PCDHGA3: variants seen among roughly 807,000 people sequenced by gnomAD.
The protein encoded by PCDHGA3 is protocadherin gamma-A3.
In PCDHGA3, 40 loss-of-function variants were observed where a neutral mutation model predicts 58.5. The observed-to-expected ratio is 0.68, with a 90% confidence interval of 0.53 to 0.89. The LOEUF (loss-of-function observed/expected upper bound fraction) is 0.89. PCDHGA3 is among the 40% of genes least tolerant of loss of function. The probability of loss-of-function intolerance (pLI) is 0.00; values close to 1 mark genes in which losing one functional copy is unlikely to be tolerated. For synonymous variants in PCDHGA3, 530 were observed against 525.7 expected (o/e 1.01, Z -0.11); for missense variants, 1,223 against 1,195.9 (o/e 1.02, Z -0.33).
intron 1 of PCDHGA3, among the ~76,000 whole-genome samples, chr5:141,451,724 A>G (rs2098722682): frequency 6.6e-6 from 1 of 152,170 alleles, no homozygotes; most frequent in Non-Finnish European, 1.5e-5. Context: ...TCTACTAAAA[A>G]TACAAAAATT....
In PCDHGA3 at chr5:141,431,620, G is replaced by T; in HGVS notation, c.2425-63187G>T. 6.2e-7 allele frequency: 1 copy of T among 1,614,232 alleles called. No individual in the cohort carries two copies. The highest frequency in any genetic ancestry group is 8.5e-7 in the Non-Finnish European group (1 of 1,180,050). Reference sequence around the variant, plus strand: ...ATTCCTTCCGGTATGTGGACGACAAGGCGGCCCAAGTTTTCAAACTAGATT... The same window carrying T: ...ATTCCTTCCGGTATGTGGACGACAATGCGGCCCAAGTTTTCAAACTAGATT... On this transcript the variant is annotated intron_variant, in intron 1 of 3. Transcript: ENST00000253812. The surrounding 1 kb of genome is among the most constrained non-coding windows in gnomAD (Gnocchi z 4.8).
intron 1 of PCDHGA3, chr5:141,352,241 G>A: frequency 6.2e-7 from 1 of 1,614,080 alleles, no homozygotes; most frequent in Non-Finnish European, 8.5e-7. Flanking sequence ...CCTAATCTTC[G>A]CGGATAGCCT....
At position 141,486,878 on chromosome 5, in the gene PCDHGA3, C is replaced by T. The variant is rs772994346; in HGVS notation, c.2425-7929C>T. ...CAATGCTCCAGCTGTGCTCCGTCCT[C>T]GGGCCCGGCCTGGTTCCTTATGTCC... On this transcript the variant is annotated intron_variant, in intron 1 of 3. Transcript: ENST00000253812. The surrounding 1 kb of genome is among the most constrained non-coding windows in gnomAD (Gnocchi z 5.0). 3.0e-5 allele frequency: 49 copies of T among 1,614,114 alleles called. No homozygotes were observed. The highest frequency in any genetic ancestry group is 4.4e-5 in the South Asian group (4 of 91,088).
chr5:141,469,697 T>G (rs2154570403), intron 1 of PCDHGA3, among the ~76,000 whole-genome samples: 1 of 152,392 alleles, frequency 6.6e-6, no homozygotes, highest in African/African-American at 2.4e-5. Context: ...TCCTATGACC[T>G]AGTAATCACA....
Position 141,417,842 on chromosome 5 carries a change from C to A in PCDHGA3, c.2424+71385C>A, listed in dbSNP as rs1247720013. 3 of 1,537,164 alleles carry A rather than the reference C, an allele frequency of 2.0e-6. No homozygotes were observed. The South Asian group carries it at 3.6e-5, about 19-fold the overall frequency. Reference sequence around the variant, plus strand: ...TCCAACTGGAAAAGCGGGGACCCAGCGAGAACCCGAGCGAACGATGGGAGG... The same window carrying A: ...TCCAACTGGAAAAGCGGGGACCCAGAGAGAACCCGAGCGAACGATGGGAGG... On this transcript the variant is annotated intron_variant, in intron 1 of 3. Transcript: ENST00000253812.
chr5:141,409,476 C>T (rs1195323775), intron 1 of PCDHGA3: 1 of 1,613,982 alleles, frequency 6.2e-7, no homozygotes, highest in South Asian at 1.1e-5. Context: ...ATCGTAGCCA[C>T]TGACAGGGGC....
intron 2 of PCDHGA3, among the ~76,000 whole-genome samples, chr5:141,497,175 A>T (rs2154592067): frequency 6.7e-6 from 1 of 150,262 alleles, no homozygotes; most frequent in East Asian, 1.9e-4. Context: ...AAATCACAGT[A>T]AGTTCTGAGA....
intron 1 of PCDHGA3, among the ~76,000 whole-genome samples, chr5:141,434,463 G>A (rs967685246): frequency 5.9e-5 from 9 of 152,192 alleles, no homozygotes; most frequent in Admixed American, 1.3e-4. Flanking sequence ...TGGGTTTACC[G>A]GAATGAGGGC....
intron 1 of PCDHGA3, chr5:141,418,214 G>A: frequency 6.2e-7 from 1 of 1,614,064 alleles, no homozygotes; most frequent in Non-Finnish European, 8.5e-7. Flanking sequence ...TATTTTTCAT[G>A]TCATTGTGGT....
intron 1 of PCDHGA3, among the ~76,000 whole-genome samples, chr5:141,462,819 A>G (rs1182498111): frequency 6.6e-6 from 1 of 152,210 alleles, no homozygotes; most frequent in East Asian, 1.9e-4. Context: ...TTTATTGGAC[A>G]GCAGACATTG....
At chr5:141,458,064 C>G (rs886724551) in intron 1 of PCDHGA3, among the ~76,000 whole-genome samples, 1 of 152,104 alleles carries the variant, frequency 6.6e-6, no homozygotes, top group Admixed American at 6.6e-5. Flanking sequence ...TGCACTGATG[C>G]GAACAACTAT....
chr5:141,472,980 C>CAAAAAAAAAAAAAAAAAAAA (rs60579131), intron 1 of PCDHGA3, among the ~76,000 whole-genome samples: 7 of 86,088 alleles, frequency 8.1e-5, no homozygotes, highest in South Asian at 4.3e-4. Flanking sequence ...GAGTGAAACT[C>CAAAAAAAAAAAAAAAAAAAA]AAAAAAAAAA....
chr5:141,431,435 G>C lies in PCDHGA3; in HGVS notation c.2425-63372G>C, dbSNP rs376827063. The C allele has an allele frequency of 6.2e-7, 1 of 1,613,668 alleles. No homozygotes were observed. The highest frequency in any genetic ancestry group is 1.7e-5 in the Admixed American group (1 of 60,010). On this transcript the variant is annotated intron_variant, in intron 1 of 3. Coordinates refer to ENST00000253812, the MANE Select transcript of PCDHGA3 (RefSeq NM_018916.4). This position sits in a 1 kb window ranked among gnomAD's most constrained non-coding sequence, Gnocchi z 4.8. ...GGGCGACCCGGTGCGCACAGGCACC[G>C]CGCGCATCCGCGTGATGGTTCTGGA...
chr5:141,494,556 T>C (rs909822734), intron 1 of PCDHGA3, among the ~76,000 whole-genome samples: 18 of 152,120 alleles, frequency 1.2e-4, no homozygotes, highest in African/African-American at 4.3e-4. Context: ...GCCATTTCTT[T>C]AGGAAAGGAG....
At chr5:141,387,340 G>A (rs565408747) in intron 1 of PCDHGA3, among the ~76,000 whole-genome samples, 2 of 152,306 alleles carry the variant, frequency 1.3e-5, no homozygotes, top group Non-Finnish European at 2.9e-5. Flanking sequence ...ACTGTACTCT[G>A]AGACGGTTTA....
At chr5:141,450,885 T>C (rs1262944058) in intron 1 of PCDHGA3, among the ~76,000 whole-genome samples, 1 of 149,238 alleles carries the variant, frequency 6.7e-6, no homozygotes, top group African/African-American at 2.5e-5. Context: ...TGTGCAGTGG[T>C]GCGATATCGG....
chr5:141,470,652 C>T (rs923672818), intron 1 of PCDHGA3, among the ~76,000 whole-genome samples: 1 of 152,100 alleles, frequency 6.6e-6, no homozygotes, highest in African/African-American at 2.4e-5. Context: ...AAGGCCCCTA[C>T]CCTTTGGTTA....
intron 2 of PCDHGA3, among the ~76,000 whole-genome samples, chr5:141,496,078 CCCCACCCACCA>C (rs1204698458): frequency 6.6e-6 from 1 of 152,016 alleles, no homozygotes; most frequent in Non-Finnish European, 1.5e-5. Context: ...ACACACAACC[CCCCACCCACCA>C]CCCACCAACA....
intron 1 of PCDHGA3, among the ~76,000 whole-genome samples, chr5:141,465,206 C>T (rs375753635): frequency 1.8e-4 from 27 of 151,896 alleles, no homozygotes; most frequent in Middle Eastern, 3.4e-3. Context: ...AAAATATAAG[C>T]TTTATTTTTC....
Sources: gnomAD v4.1 joint callset for allele counts (sites outside exome capture counted in the v4.1 genomes callset) on GRCh38, gnomAD v4.1.1 for gene constraint, Gnocchi (gnomAD v3.1) non-coding constraint, MANE v1.5 for transcripts, NCBI Gene and HGNC (gene_info 2026-07-23, HGNC 2026-07-21) for gene names.